AKAP19: variants seen among roughly 807,000 people sequenced by gnomAD.
AKAP19 encodes A-kinase anchoring protein 19, also known as small A-kinase anchoring protein.
chr2:190,045,642 C>T, the AKAP19 span, among the ~76,000 whole-genome samples: 1 of 152,174 alleles, frequency 6.6e-6, no homozygotes, highest in East Asian at 1.9e-4. Flanking sequence ...CCAAGAGCGC[C>T]TTCTAAGGGA....
the AKAP19 span, among the ~76,000 whole-genome samples, chr2:189,921,186 C>A: frequency 6.6e-6 from 1 of 152,100 alleles, no homozygotes; most frequent in East Asian, 1.9e-4. Context: ...CCACACCATA[C>A]TTTCTGTTGG....
the AKAP19 span, among the ~76,000 whole-genome samples, chr2:190,195,941 C>CTTTTTTTTTTT: frequency 4.6e-4 from 40 of 86,154 alleles, no homozygotes; most frequent in South Asian, 9.0e-4. Flanking sequence ...CTGTGTCCAG[C>CTTTTTTTTTTT]TTTTTTTTTT....
chr2:189,927,325 C>T, the AKAP19 span, among the ~76,000 whole-genome samples: 5 of 152,240 alleles, frequency 3.3e-5, no homozygotes, highest in Admixed American at 2.6e-4. Flanking sequence ...CACTTTTGGT[C>T]AGAGAGTGAA....
chr2:190,003,007 G>A, the AKAP19 span, among the ~76,000 whole-genome samples: 8 of 151,860 alleles, frequency 5.3e-5, no homozygotes, highest in East Asian at 1.5e-3. Context: ...TGTTAATAAA[G>A]TTTTCTAGTT....
chr2:189,932,431 TC>T, the AKAP19 span, among the ~76,000 whole-genome samples: 1 of 151,270 alleles, frequency 6.6e-6, no homozygotes, highest in Non-Finnish European at 1.5e-5. Flanking sequence ...AAAAAGTCAT[TC>T]TATTCATGAT....
the AKAP19 span, among the ~76,000 whole-genome samples, chr2:190,134,772 A>G: frequency 4.2e-4 from 50 of 118,010 alleles, no homozygotes; most frequent in East Asian, 7.2e-3. Context: ...CTTAATCTGC[A>G]TTTTCCCAAG....
the AKAP19 span, among the ~76,000 whole-genome samples, chr2:190,038,934 C>CT: frequency 5.7e-5 from 8 of 140,408 alleles, no homozygotes; most frequent in African/African-American, 2.3e-4. Context: ...TCTTCTTCTT[C>CT]TTCTTCTTCT....
the AKAP19 span, among the ~76,000 whole-genome samples, chr2:190,161,589 G>A: frequency 4.0e-5 from 6 of 151,842 alleles, no homozygotes; most frequent in South Asian, 2.1e-4. Context: ...TTGACCTTTC[G>A]ACAGCCTTTG....
the AKAP19 span, among the ~76,000 whole-genome samples, chr2:190,126,427 T>C: frequency 6.7e-6 from 1 of 150,154 alleles, no homozygotes; most frequent in Non-Finnish European, 1.5e-5. Flanking sequence ...TACCTGAAAG[T>C]ATCCTTTACA....
chr2:190,113,936 TCTTCC>T, the AKAP19 span, among the ~76,000 whole-genome samples: 1 of 152,220 alleles, frequency 6.6e-6, no homozygotes. Context: ...GACACTGCTT[TCTTCC>T]TGGGTTTTGT....
At chr2:190,184,804 ACTT>A in the AKAP19 span, among the ~76,000 whole-genome samples, 2 of 151,894 alleles carry the variant, frequency 1.3e-5, no homozygotes, top group South Asian at 4.1e-4. Flanking sequence ...AAGGAGACTC[ACTT>A]GATGGGAGAG....
At chr2:189,984,486 T>A in the AKAP19 span, among the ~76,000 whole-genome samples, 1 of 152,118 alleles carries the variant, frequency 6.6e-6, no homozygotes, top group African/African-American at 2.4e-5. Flanking sequence ...ATCCTGTTCT[T>A]TTTTCAAGGT....
chr2:189,911,878 T>C, the AKAP19 span, among the ~76,000 whole-genome samples: 3 of 152,046 alleles, frequency 2.0e-5, no homozygotes, highest in Non-Finnish European at 4.4e-5. Context: ...TTTGTTTTTT[T>C]CTACTCCTAG....
chr2:189,953,906 T>C, the AKAP19 span, among the ~76,000 whole-genome samples: 1 of 152,140 alleles, frequency 6.6e-6, no homozygotes, highest in African/African-American at 2.4e-5. Flanking sequence ...GTTTATGATA[T>C]TGATTGAATG....
chr2:190,050,307 A>G, the AKAP19 span, among the ~76,000 whole-genome samples: 1 of 152,226 alleles, frequency 6.6e-6, no homozygotes, highest in African/African-American at 2.4e-5. Context: ...TTGTTATAAA[A>G]TATACCCCCA....
At chr2:190,035,018 T>C in the AKAP19 span, among the ~76,000 whole-genome samples, 1 of 152,158 alleles carries the variant, frequency 6.6e-6, no homozygotes, top group Non-Finnish European at 1.5e-5. Flanking sequence ...ATTCCCTAAC[T>C]CATTGTCCCT....
At chr2:189,989,380 AAATGT>A in the AKAP19 span, among the ~76,000 whole-genome samples, 1 of 152,190 alleles carries the variant, frequency 6.6e-6, no homozygotes. Context: ...TATTTTCAAT[AAATGT>A]AATGAACTAA....
the AKAP19 span, among the ~76,000 whole-genome samples, chr2:190,102,904 A>G: frequency 6.6e-6 from 1 of 152,180 alleles, no homozygotes; most frequent in East Asian, 1.9e-4. Context: ...AGAAGACTGC[A>G]GGCCAATATC....
the AKAP19 span, chr2:190,057,177 G>A: frequency 1.3e-6 from 2 of 1,487,006 alleles, no homozygotes; most frequent in Non-Finnish European, 1.9e-6. Context: ...TATAGCCTGT[G>A]GTACTTAATT....
Sources: gnomAD v4.1 joint callset for allele counts (sites outside exome capture counted in the v4.1 genomes callset) on GRCh38, gnomAD v4.1.1 for gene constraint, MANE v1.5 for transcripts, NCBI Gene and HGNC (gene_info 2026-07-23, HGNC 2026-07-21) for gene names.